The following ARRDC1 variants were observed in gnomAD, a reference collection of about 807,000 sequenced individuals.
ARRDC1 encodes the protein arrestin domain containing 1.
In ARRDC1, 37 loss-of-function variants were observed where a neutral mutation model predicts 40.1. The observed-to-expected ratio is 0.92, with a 90% CI of 0.71 to 1.21. ARRDC1 has a LOEUF of 1.21. ARRDC1 is among the 50% of genes most tolerant of loss of function. The pLI is 0.00. For synonymous variants in ARRDC1, 310 were observed against 262.5 expected (o/e 1.18, Z -1.75); for missense variants, 641 against 581.9 (o/e 1.10, Z -1.04).
At position 137,615,138 on chromosome 9, in the gene ARRDC1, ACCCCGTGCT is replaced by A; in HGVS notation, c.*1_*9del. 1 of 1,529,892 alleles carries A rather than the reference ACCCCGTGCT, an allele frequency of 6.5e-7. No homozygotes were observed. Among genetic ancestry groups the A allele is most frequent in the Non-Finnish European group, 8.8e-7 (1 of 1,137,598 alleles). The allele number at this position is 1,529,892 out of a possible 1,614,324, so 94.8% of individuals were successfully genotyped here. ...AACCCAGCCTGACCCCTGAGAGCTG[ACCCCGTGCT>A]GCCTTCTCCAGGCAGGCCTGGCCTC... On this transcript the variant is annotated 3_prime_UTR_variant, in exon 8 of 8. Coordinates refer to ENST00000371421, the MANE Select transcript of ARRDC1 (RefSeq NM_152285.4).
At position 137,615,126 on chromosome 9, in the gene ARRDC1, C is replaced by A; in HGVS notation, c.1290C>A (p.Thr430=). 1 of 1,542,380 alleles carries A rather than the reference C, an allele frequency of 6.5e-7. No individual in the cohort carries two copies. Among genetic ancestry groups the A allele is most frequent in the East Asian group, 2.3e-5 (1 of 44,170 alleles). The change falls in exon 8 of 8, where the codon ACC becomes ACA. Residue 430 remains threonine, a synonymous_variant. Transcript: ENST00000371421. ...QSCGGVEPSL[T]PES is the part of the protein sequence containing the mutation. ...GCGGCGGCGTGGAACCCAGCCTGACCCCTGAGAGCTGACCCCGTGCTGCCT... is the reference window on the plus strand; with the variant it reads ...GCGGCGGCGTGGAACCCAGCCTGACACCTGAGAGCTGACCCCGTGCTGCCT...
At chr9:137,615,049 C>G (rs372424462) in intron 7 of ARRDC1, 25 bp from the exon 8 acceptor site, 1 of 1,610,096 alleles carries the variant, frequency 6.2e-7, no homozygotes, top group East Asian at 2.2e-5. Context: ...AAGAGCCCCA[C>G]GCAGACCCTG....
At chr9:137,608,127 C>T (rs992423287) in intron 1 of ARRDC1, among the ~76,000 whole-genome samples, 2 of 152,146 alleles carry the variant, frequency 1.3e-5, no homozygotes, top group Admixed American at 6.5e-5. Flanking sequence ...GGACTACAGG[C>T]GCCCGCCACC....
rs1332680240 is a variant in ARRDC1 at position 137,614,922 on chromosome 9, G to A, written c.1159G>A (p.Glu387Lys). 6.2e-7 allele frequency: 1 copy of A among 1,613,932 alleles called. No homozygotes were observed. Among genetic ancestry groups the A allele is most frequent in the African/African-American group, 1.3e-5 (1 of 75,066 alleles). Reference protein sequence around the residue: ...STGATVPYFAEGSGGPVPTTS... With the variant: ...STGATVPYFAKGSGGPVPTTS... ...AGGTGCCACTGTCCCCTACTTTGCAGAGGGCTCCGGGGGGCCAGTGCCCAC... is the reference window on the plus strand; with the variant it reads ...AGGTGCCACTGTCCCCTACTTTGCAAAGGGCTCCGGGGGGCCAGTGCCCAC... The change falls in exon 7 of 8, where the codon GAG (glutamate) becomes AAG (lysine). Residue 387 changes from glutamate (E) to lysine (K), a missense_variant. Coordinates refer to ENST00000371421, the MANE Select transcript of ARRDC1 (RefSeq NM_152285.4).
intron 1 of ARRDC1, among the ~76,000 whole-genome samples, chr9:137,608,710 C>T (rs1358091708): frequency 6.6e-6 from 1 of 152,250 alleles, no homozygotes; most frequent in Non-Finnish European, 1.5e-5. Flanking sequence ...CCCAGCCTGA[C>T]CTGAAGCAGT....
At chr9:137,611,285 A>G (rs747331843) in intron 1 of ARRDC1, among the ~76,000 whole-genome samples, 2 of 152,046 alleles carry the variant, frequency 1.3e-5, no homozygotes, top group Non-Finnish European at 2.9e-5. Context: ...ACCGTGGCTC[A>G]TGCCTGTAAT....
intron 4 of ARRDC1, 25 bp downstream of exon 4, chr9:137,613,794 T>C: frequency 6.2e-7 from 1 of 1,612,910 alleles, no homozygotes; most frequent in Non-Finnish European, 8.5e-7. Context: ...GTGACCTCCT[T>C]GGTGGGTCCC....
At position 137,614,329 on chromosome 9, in the gene ARRDC1, C is replaced by A; in HGVS notation, c.649C>A (p.His217Asn). Residue 217 changes from histidine to asparagine, a missense_variant, in exon 6 of 8, where the codon CAC becomes AAC. Coordinates refer to ENST00000371421, the MANE Select transcript of ARRDC1 (RefSeq NM_152285.4). The part of the protein sequence containing the change: ...KVSYKAKRWI[H>N]DVRTIAEVEG... ...GTCCTATAAGGCCAAGCGCTGGATC[C>A]ACGACGTACGGACCATTGCGGAGGT... The A allele has an allele frequency of 6.2e-7, 1 of 1,609,716 alleles. No individual in the cohort carries two copies. Among genetic ancestry groups the A allele is most frequent in the Non-Finnish European group, 8.5e-7 (1 of 1,177,846 alleles).
chr9:137,606,052 G>A (rs866900458), intron 1 of ARRDC1, among the ~76,000 whole-genome samples: 1 of 151,772 alleles, frequency 6.6e-6, no homozygotes, highest in African/African-American at 2.4e-5. Context: ...GGGGCGGCGG[G>A]GTCCCGGCGG....
Position 137,605,787 on chromosome 9 carries a change from T to C in ARRDC1, c.70T>C (p.Leu24=), listed in dbSNP as rs1469260460. Residue 24 remains leucine (L), a synonymous_variant, in exon 1 of 8, where the codon TTG becomes CTG. Coordinates refer to ENST00000371421, the MANE Select transcript of ARRDC1 (RefSeq NM_152285.4). ...CGTCGTCTACAGCCCCGGGGAGCCGTTGGCTGGGACCGTGCGCGTGCGCCT... is the reference window on the plus strand; with the variant it reads ...CGTCGTCTACAGCCCCGGGGAGCCGCTGGCTGGGACCGTGCGCGTGCGCCT... The part of the protein sequence containing the change: ...GRVVYSPGEP[L]AGTVRVRLGA... 7.5e-7 allele frequency: 1 copy of C among 1,338,100 alleles called. No homozygotes were observed. Among genetic ancestry groups the C allele is most frequent in the South Asian group, 1.8e-5 (1 of 54,976 alleles). 82.9% of individuals were successfully genotyped at this position (1,338,100 alleles called of 1,614,324 possible).
In ARRDC1 at chr9:137,612,943, A is replaced by G. The variant is rs200822879; in HGVS notation, c.166A>G (p.Asn56Asp). Residue 56 changes from asparagine (N) to aspartate (D), a missense_variant, in exon 2 of 8, where the codon AAT becomes GAT. Physicochemically the swap from Asn to Asp is conservative, Grantham distance 23 (BLOSUM62 1). Transcript: ENST00000371421. ...TTCCTGCGGGGTCTCCAACAAGGCT[A>G]ATGACACAGCGTGGGTAGTGGAGGA... is the stretch of plus-strand genomic sequence containing the variant. ...IGSCGVSNKANDTAWVVEEGY... is the reference protein window; with the variant it reads ...IGSCGVSNKADDTAWVVEEGY... 1.4e-5 allele frequency: 23 copies of G among 1,614,008 alleles called. 1 individual carries two copies. The highest frequency in any genetic ancestry group is 1.9e-5 in the Non-Finnish European group (23 of 1,179,988).
At chr9:137,606,115 C>T (rs945578731) in intron 1 of ARRDC1, among the ~76,000 whole-genome samples, 1 of 151,906 alleles carries the variant, frequency 6.6e-6, no homozygotes, top group African/African-American at 2.4e-5. Context: ...CGCACGCAGG[C>T]CTGCGACCCT....
intron 1 of ARRDC1, among the ~76,000 whole-genome samples, chr9:137,610,806 G>A (rs1240263198): frequency 6.6e-6 from 1 of 151,896 alleles, no homozygotes; most frequent in Non-Finnish European, 1.5e-5. Flanking sequence ...CAGGTGATCT[G>A]CCTGCCTTGG....
intron 1 of ARRDC1, among the ~76,000 whole-genome samples, chr9:137,607,791 T>G (rs1842448954): frequency 6.6e-6 from 1 of 152,034 alleles, no homozygotes; most frequent in Admixed American, 6.6e-5. Flanking sequence ...TGGGTCTTCA[T>G]GGTCCAAGTG....
intron 1 of ARRDC1, among the ~76,000 whole-genome samples, chr9:137,609,769 G>A (rs1283962125): frequency 3.3e-5 from 5 of 151,956 alleles, no homozygotes; most frequent in East Asian, 1.9e-4. Flanking sequence ...CAAGCAATCC[G>A]CTCGCCTTGG....
chr9:137,613,574 G>GGTGGAAGGCAGCC, intron 3 of ARRDC1, 41 bp from the exon 4 acceptor site: 1 of 1,614,076 alleles, frequency 6.2e-7, no homozygotes, highest in Non-Finnish European at 8.5e-7. Context: ...GGCTCTGCAG[G>GGTGGAAGGCAGCC]GTGGAAGGCA....
Position 137,613,606 on chromosome 9 carries a change from T to G in ARRDC1, c.281-9T>G. On this transcript the variant is annotated splice_polypyrimidine_tract_variant and intron_variant, in intron 3 of 7. Transcript: ENST00000371421. ...GGCAGCCAGGTACCAGTGCCTGCTC[T>G]CTCCCCAGCCACTGCACCCACGTCC... The G allele has an allele frequency of 6.2e-7, 1 of 1,614,144 alleles. No individual in the cohort carries two copies.
chr9:137,611,926 G>C (rs1271211778), intron 1 of ARRDC1: 1 of 152,322 alleles, frequency 6.6e-6, no homozygotes, highest in Non-Finnish European at 1.5e-5. Context: ...CCTCCTGCCT[G>C]GCTGCTCCCT....
In ARRDC1 at chr9:137,615,084, G is replaced by A. The variant is rs1481052349; in HGVS notation, c.1248G>A (p.Pro416=). Residue 416 remains proline, a synonymous_variant, in exon 8 of 8, where the codon CCG becomes CCA. Transcript: ENST00000371421. ...SSWGYPYEAP[P]SYEQSCGGVE... ...GCTTTCTTCCCGCAGAGGCCCCACC[G>A]TCTTATGAGCAGAGCTGCGGCGGCG... 11 of 1,592,894 alleles carry A rather than the reference G, an allele frequency of 6.9e-6. No homozygotes were observed. The highest frequency in any genetic ancestry group is 2.2e-5 in the East Asian group (1 of 44,646).
Sources: gnomAD v4.1 joint callset for allele counts (sites outside exome capture counted in the v4.1 genomes callset) on GRCh38, gnomAD v4.1.1 for gene constraint, MANE v1.5 for transcripts, NCBI Gene and HGNC (gene_info 2026-07-23, HGNC 2026-07-21) for gene names.